Variants in CHCHD6 observed in about 807,000 individuals in gnomAD.
CHCHD6 encodes the protein coiled-coil-helix-coiled-coil-helix domain containing 6.
CHCHD6 carries 28 observed loss-of-function variants against 32.3 expected under a neutral mutation model. That is an observed-to-expected ratio of 0.87 (90% CI 0.64 to 1.19). The LOEUF (loss-of-function observed/expected upper bound fraction) is 1.19, where lower values mean the gene tolerates loss of function less well. Ranked by LOEUF, CHCHD6 falls within the 50% of genes most tolerant of loss-of-function variation. The pLI is 0.00. For synonymous variants in CHCHD6, 122 were observed against 117.5 expected, an observed-to-expected ratio of 1.04 and a Z score of -0.25; for missense variants, 333 against 307.0, an observed-to-expected ratio of 1.08 and a Z score of -0.63.
intron 4 of CHCHD6, among the ~76,000 whole-genome samples, chr3:126,844,803 G>C (rs539412305): frequency 6.6e-5 from 10 of 152,238 alleles, no homozygotes; most frequent in Non-Finnish European, 1.2e-4. Context: ...TTGTTATCCA[G>C]GTGGGTTCAG....
chr3:126,856,831 A>G (rs1021952851), intron 5 of CHCHD6, among the ~76,000 whole-genome samples: 1 of 152,212 alleles, frequency 6.6e-6, no homozygotes, highest in Non-Finnish European at 1.5e-5. Context: ...TTTGGGGTCC[A>G]GCAGACCTCA....
At chr3:126,875,374 G>A (rs977435236) in intron 5 of CHCHD6, among the ~76,000 whole-genome samples, 4 of 152,248 alleles carry the variant, frequency 2.6e-5, no homozygotes, top group Non-Finnish European at 4.4e-5. Flanking sequence ...ACCCAGGCCT[G>A]TCAGTGGACA....
intron 1 of CHCHD6, among the ~76,000 whole-genome samples, chr3:126,719,391 CT>C (rs1159991119): frequency 7.2e-5 from 11 of 152,254 alleles, no homozygotes; most frequent in African/African-American, 1.9e-4. Flanking sequence ...CTTGCCCCCC[CT>C]GCCCTGCATG....
chr3:126,824,136 A>T (rs1203335116), intron 4 of CHCHD6, among the ~76,000 whole-genome samples: 1 of 152,188 alleles, frequency 6.6e-6, no homozygotes, highest in Non-Finnish European at 1.5e-5. Context: ...TGTGGACATA[A>T]GAGGGAAATG....
chr3:126,858,301 C>T (rs917852500), intron 5 of CHCHD6, among the ~76,000 whole-genome samples: 21 of 956 alleles, frequency 0.022, no homozygotes, highest in African/African-American at 0.033. Context: ...GTGGCAGGGG[C>T]GGGGGCGGGG....
chr3:126,814,643 G>A (rs1012163386), intron 4 of CHCHD6, among the ~76,000 whole-genome samples: 1 of 152,176 alleles, frequency 6.6e-6, no homozygotes, highest in African/African-American at 2.4e-5. Context: ...AGAGTGGTAC[G>A]CCCAGGGAGG....
intron 6 of CHCHD6, among the ~76,000 whole-genome samples, chr3:126,939,997 C>T (rs141902899): frequency 2.0e-3 from 297 of 152,272 alleles, no homozygotes; most frequent in Non-Finnish European, 3.7e-3. Context: ...TAGAAATCTA[C>T]AGTATGTAGA....
At chr3:126,763,481 G>T (rs1937239363) in intron 4 of CHCHD6, among the ~76,000 whole-genome samples, 1 of 151,970 alleles carries the variant, frequency 6.6e-6, no homozygotes, top group Non-Finnish European at 1.5e-5. Context: ...TTGCCACCAT[G>T]CCCAACTATT....
chr3:126,806,441 G>C (rs1231098102), intron 4 of CHCHD6, among the ~76,000 whole-genome samples: 2 of 151,936 alleles, frequency 1.3e-5, no homozygotes, highest in East Asian at 3.9e-4. Context: ...AAAGACACAT[G>C]AAAAAATGCT....
intron 6 of CHCHD6, among the ~76,000 whole-genome samples, chr3:126,934,158 G>A (rs928209192): frequency 3.3e-5 from 5 of 152,224 alleles, no homozygotes; most frequent in Admixed American, 1.3e-4. Context: ...TGCAGCTACA[G>A]AGGATATATT....
chr3:126,849,431 AT>A (rs752138664), intron 4 of CHCHD6, among the ~76,000 whole-genome samples: 5 of 152,136 alleles, frequency 3.3e-5, no homozygotes, highest in Admixed American at 6.5e-5. Flanking sequence ...TGCCAGTGCT[AT>A]GTGTTTGGAG....
At chr3:126,839,112 A>G (rs1267454328) in intron 4 of CHCHD6, among the ~76,000 whole-genome samples, 1 of 149,374 alleles carries the variant, frequency 6.7e-6, no homozygotes, top group Admixed American at 6.7e-5. Context: ...CTGGTCTTGA[A>G]CTCCTGAGCT....
chr3:126,733,027 C>CCA, intron 3 of CHCHD6, 51 bp from the exon 4 acceptor site: 1 of 1,600,410 alleles, frequency 6.2e-7, no homozygotes, highest in Non-Finnish European at 8.6e-7. Flanking sequence ...TGGCTATGGG[C>CCA]TGCCCGTCAT....
At chr3:126,856,493 C>T (rs1941671333) in intron 5 of CHCHD6, among the ~76,000 whole-genome samples, 1 of 152,218 alleles carries the variant, frequency 6.6e-6, no homozygotes, top group South Asian at 2.1e-4. Flanking sequence ...GAGTCATGGC[C>T]GCTGAACCCC....
At chr3:126,724,892 G>T (rs1349882488) in intron 1 of CHCHD6, among the ~76,000 whole-genome samples, 1 of 152,174 alleles carries the variant, frequency 6.6e-6, no homozygotes, top group Non-Finnish European at 1.5e-5. Context: ...TCCTGAGATT[G>T]CAGCAATTCA....
intron 6 of CHCHD6, among the ~76,000 whole-genome samples, chr3:126,939,576 G>A (rs544165431): frequency 3.9e-5 from 6 of 152,332 alleles, no homozygotes; most frequent in African/African-American, 9.6e-5. Context: ...TGTAGATGGC[G>A]TCTGCCATGC....
intron 4 of CHCHD6, among the ~76,000 whole-genome samples, chr3:126,816,715 TA>T: frequency 6.6e-6 from 1 of 152,178 alleles, no homozygotes; most frequent in Non-Finnish European, 1.5e-5. Flanking sequence ...TTTTTTTATA[TA>T]TTTTTTATTA....
chr3:126,906,763 C>G (rs2078013996), intron 5 of CHCHD6, among the ~76,000 whole-genome samples: 1 of 152,230 alleles, frequency 6.6e-6, no homozygotes, highest in African/African-American at 2.4e-5. Flanking sequence ...GCAAGGACTT[C>G]ACCTCTCTTG....
intron 4 of CHCHD6, among the ~76,000 whole-genome samples, chr3:126,841,081 T>G (rs1403843448): frequency 6.6e-6 from 1 of 151,708 alleles, no homozygotes; most frequent in Non-Finnish European, 1.5e-5. Flanking sequence ...AGTGTGATAT[T>G]CCCCTTCCTG....
Sources: allele counts gnomAD v4.1 joint callset (sites outside exome capture counted in the v4.1 genomes callset), GRCh38; gene constraint gnomAD v4.1.1; transcripts MANE v1.5; gene names NCBI Gene and HGNC (gene_info 2026-07-23, HGNC 2026-07-21).